Variants in CDH23 observed in about 807,000 individuals in gnomAD.
CDH23 encodes cadherin-23.
A neutral mutation model predicts 317.1 loss-of-function variants in CDH23; 189 were observed. The observed-to-expected ratio is 0.60, with a 90% CI of 0.53 to 0.67. The LOEUF (loss-of-function observed/expected upper bound fraction) is 0.67. CDH23 is among the 30% of genes least tolerant of loss of function. The probability of loss-of-function intolerance (pLI) is 0.00; values close to 1 mark genes in which losing one functional copy is unlikely to be tolerated. For missense variants in CDH23, 4,401 were observed against 4,592.4 expected (o/e 0.96, Z 1.20); for synonymous variants, 1,839 against 1,876.8 (o/e 0.98, Z 0.52).
intron 1 of CDH23, among the ~76,000 whole-genome samples, chr10:71,432,315 GGT>G (rs1287337249): frequency 7.9e-5 from 11 of 138,864 alleles, no homozygotes; most frequent in South Asian, 2.4e-4. Flanking sequence ...TGAATGTGTG[GGT>G]GTGTGTTTGA....
chr10:71,759,026 T>C (rs1432196850), intron 38 of CDH23, among the ~76,000 whole-genome samples: 2 of 151,812 alleles, frequency 1.3e-5, no homozygotes, highest in Non-Finnish European at 2.9e-5. Flanking sequence ...CCTGCCACCA[T>C]GCCAGGCAAA....
chr10:71,464,612 T>A (rs1468615216), intron 3 of CDH23, among the ~76,000 whole-genome samples: 1 of 148,224 alleles, frequency 6.7e-6, no homozygotes, highest in Non-Finnish European at 1.5e-5. Flanking sequence ...CCTGGGTGGA[T>A]GACTTGCTGT....
At chr10:71,755,505 C>T (rs1433393526) in intron 38 of CDH23, 1 of 1,551,728 alleles carries the variant, frequency 6.4e-7, no homozygotes, top group Non-Finnish European at 8.8e-7. Context: ...AAGCCCCATT[C>T]CCATTGCTCC....
intron 6 of CDH23, among the ~76,000 whole-genome samples, chr10:71,518,513 G>T (rs766869976): frequency 6.6e-6 from 1 of 152,170 alleles, no homozygotes; most frequent in African/African-American, 2.4e-5. Context: ...CTGCAGTGAG[G>T]ACCACCCCTG....
chr10:71,785,368 A>G (rs1178707408), intron 43 of CDH23, among the ~76,000 whole-genome samples: 1 of 152,146 alleles, frequency 6.6e-6, no homozygotes, highest in East Asian at 1.9e-4. Context: ...AGACGCACCA[A>G]AGTTCTCACT....
At chr10:71,442,526 G>A (rs919164859) in intron 2 of CDH23, among the ~76,000 whole-genome samples, 2 of 152,176 alleles carry the variant, frequency 1.3e-5, no homozygotes, top group African/African-American at 4.8e-5. Context: ...AGTCAGGGAT[G>A]GGTAGGGCTC....
chr10:71,599,810 G>C (rs924922564), intron 9 of CDH23, among the ~76,000 whole-genome samples: 2 of 152,124 alleles, frequency 1.3e-5, no homozygotes, highest in Non-Finnish European at 1.5e-5. Context: ...TGTTGACCAA[G>C]TTACTTCTCA....
At chr10:71,613,843 G>A (rs1239534679) in intron 9 of CDH23, among the ~76,000 whole-genome samples, 1 of 152,192 alleles carries the variant, frequency 6.6e-6, no homozygotes, top group Middle Eastern at 3.2e-3. Flanking sequence ...ACGTGGAATC[G>A]GTGTCCATCC....
In CDH23 at chr10:71,732,455, C is replaced by CT. The variant is rs368224876; in HGVS notation, c.4104+81dup. 4.5e-5 allele frequency: 69 copies of CT among 1,526,406 alleles called. No individual in the cohort carries two copies. The African/African-American group carries it at 6.0e-4, about 13-fold the overall frequency. 94.6% of individuals were successfully genotyped at this position (1,526,406 alleles called of 1,614,324 possible). On this transcript the variant is annotated intron_variant, in intron 32 of 69. Coordinates refer to ENST00000224721, the MANE Select transcript of CDH23 (RefSeq NM_022124.6). Reference sequence around the variant, plus strand: ...GAGCTCCTTCTGTGTGCACAGCACTCTCCTCTTTGTCATAAAATGTCCTTG... The same window carrying CT: ...GAGCTCCTTCTGTGTGCACAGCACTCTTCCTCTTTGTCATAAAATGTCCTTG...
chr10:71,564,688 C>T (rs946447526), intron 6 of CDH23, among the ~76,000 whole-genome samples: 4 of 152,210 alleles, frequency 2.6e-5, no homozygotes, highest in South Asian at 2.1e-4. Context: ...CTCCTCTGGG[C>T]GCCAGCTTCA....
At chr10:71,685,094 C>A (rs1044420898) in intron 18 of CDH23, among the ~76,000 whole-genome samples, 13 of 152,326 alleles carry the variant, frequency 8.5e-5, no homozygotes, top group Admixed American at 5.9e-4. Context: ...AGGCCTGGAA[C>A]CTTGGTCATC....
At chr10:71,435,401 G>A (rs893545028) in intron 1 of CDH23, among the ~76,000 whole-genome samples, 5 of 152,220 alleles carry the variant, frequency 3.3e-5, no homozygotes, top group African/African-American at 1.2e-4. Flanking sequence ...TCCAGTCACA[G>A]CCGTATGTTC....
intron 34 of CDH23, among the ~76,000 whole-genome samples, chr10:71,735,872 G>A (rs78636897): frequency 1.3e-3 from 197 of 152,292 alleles, no homozygotes; most frequent in East Asian, 4.4e-3. Flanking sequence ...AAGGGCAGCC[G>A]GTGAGCAGAG....
rs373282160 is a variant in CDH23 at position 71,807,169 on chromosome 10, G to A, written c.8179-108G>A. On this transcript the variant is annotated intron_variant, in intron 57 of 69. Coordinates refer to ENST00000224721, the MANE Select transcript of CDH23 (RefSeq NM_022124.6). ...CTACTCACCCCATAAGGCCTGGACA[G>A]TAAACTCCCTCAGCACCTACAAAGT... 6 of 1,405,234 alleles carry A rather than the reference G, an allele frequency of 4.3e-6. No homozygotes were observed. The South Asian group carries it at 6.8e-5, about 16-fold the overall frequency. The allele number at this position is 1,405,234 out of a possible 1,614,324, so 87.0% of individuals were successfully genotyped here.
chr10:71,532,809 AACCTCT>A (rs1468525299), intron 6 of CDH23, among the ~76,000 whole-genome samples: 1 of 147,330 alleles, frequency 6.8e-6, no homozygotes, highest in Non-Finnish European at 1.5e-5. Flanking sequence ...AGCTCACTGC[AACCTCT>A]ACCTCCTAGG....
At chr10:71,759,820 T>TACACACACAC (rs1289055534) in intron 38 of CDH23, among the ~76,000 whole-genome samples, 1,175 of 85,032 alleles carry the variant, frequency 0.014, 78 homozygotes, top group African/African-American at 0.042. Flanking sequence ...TCAGAAAATA[T>TACACACACAC]ACACACACAC....
intron 9 of CDH23, among the ~76,000 whole-genome samples, chr10:71,588,236 C>T (rs960925340): frequency 6.6e-6 from 1 of 152,110 alleles, no homozygotes; most frequent in Non-Finnish European, 1.5e-5. Context: ...TCAGCGTGTC[C>T]GTGTCATCAG....
intron 38 of CDH23, among the ~76,000 whole-genome samples, chr10:71,770,640 C>A (rs999761959): frequency 6.6e-6 from 1 of 152,184 alleles, no homozygotes; most frequent in Non-Finnish European, 1.5e-5. Flanking sequence ...TCACTGCCAA[C>A]GGGTTCTCCT....
chr10:71,559,527 C>T (rs941489304), intron 6 of CDH23, among the ~76,000 whole-genome samples: 5 of 152,012 alleles, frequency 3.3e-5, no homozygotes, highest in African/African-American at 7.3e-5. Flanking sequence ...GAGGGCCATT[C>T]GATAAGCACT....
Sources: gnomAD v4.1 joint callset for allele counts (sites outside exome capture counted in the v4.1 genomes callset) on GRCh38, gnomAD v4.1.1 for gene constraint, MANE v1.5 for transcripts, NCBI Gene and HGNC (gene_info 2026-07-23, HGNC 2026-07-21) for gene names.